GALNT10: variants seen among roughly 807,000 people sequenced by gnomAD.
GALNT10 encodes polypeptide N-acetylgalactosaminyltransferase 10.
A neutral mutation model predicts 75.0 loss-of-function variants in GALNT10; 41 were observed. The ratio of observed to expected loss-of-function variants is 0.55; its 90% CI spans 0.43 to 0.71. The LOEUF (loss-of-function observed/expected upper bound fraction) is 0.71. Among genes scored for constraint, GALNT10 ranks in the 30% least tolerant of loss-of-function variants. The pLI is 0.00. For synonymous variants in GALNT10, 302 were observed against 313.0 expected, an observed-to-expected ratio of 0.96 and a Z score of 0.37; for missense variants, 727 against 818.5, an observed-to-expected ratio of 0.89 and a Z score of 1.36.
At chr5:154,301,822 G>A (rs1322606164) in intron 3 of GALNT10, among the ~76,000 whole-genome samples, 1 of 152,164 alleles carries the variant, frequency 6.6e-6, no homozygotes, top group Non-Finnish European at 1.5e-5. Context: ...ATGGACCTCT[G>A]GCATCAATAA....
Position 154,190,879 on chromosome 5 carries a change from G to T in GALNT10, c.13G>T (p.Glu5Ter), listed in dbSNP as rs1296682318. The T allele has an allele frequency of 7.0e-7, 1 of 1,431,354 alleles. No homozygotes were observed. The highest frequency in any genetic ancestry group is 2.3e-5 in the Admixed American group (1 of 44,210). The allele number at this position is 1,431,354 out of a possible 1,614,324, so 88.7% of individuals were successfully genotyped here. The change falls in exon 1 of 12, where the codon GAG becomes TAG. Residue 5 changes from glutamate (E) to a stop codon, truncating the protein, a stop_gained. Coordinates refer to ENST00000297107, the MANE Select transcript of GALNT10 (RefSeq NM_198321.4). LOFTEE classifies it high-confidence loss of function. The part of the protein sequence containing the change: MRRK[E>*]KRLLQAVALV... ...CTGACCGGCCCCGATGAGGCGGAAG[G>T]AGAAGCGGCTCCTGCAGGCGGTGGC...
At chr5:154,384,760 GGGGTGTGAACTGT>G (rs1486313767) in intron 6 of GALNT10, among the ~76,000 whole-genome samples, 1 of 152,192 alleles carries the variant, frequency 6.6e-6, no homozygotes, top group Admixed American at 6.5e-5. Context: ...GTGGTGGCGA[GGGGTGTGAACTGT>G]GGCTTAGATT....
At chr5:154,294,608 G>C (rs1055832273) in intron 1 of GALNT10, among the ~76,000 whole-genome samples, 2 of 152,146 alleles carry the variant, frequency 1.3e-5, no homozygotes, top group African/African-American at 4.8e-5. Context: ...CTGAAAGGTA[G>C]ACGCTGCATT....
chr5:154,197,566 G>A (rs1447046496), intron 1 of GALNT10, among the ~76,000 whole-genome samples: 1 of 151,684 alleles, frequency 6.6e-6, no homozygotes. Flanking sequence ...AAAGAAAAAA[G>A]CAGGCCTATT....
intron 2 of GALNT10, among the ~76,000 whole-genome samples, chr5:154,297,660 T>G (rs755109861): frequency 6.6e-6 from 1 of 152,196 alleles, no homozygotes; most frequent in African/African-American, 2.4e-5. Flanking sequence ...TACTCCTGAT[T>G]TGATAACCTT....
chr5:154,345,583 T>C (rs1305556140), intron 4 of GALNT10, among the ~76,000 whole-genome samples: 4 of 151,822 alleles, frequency 2.6e-5, no homozygotes, highest in Non-Finnish European at 4.4e-5. Context: ...CTTAGCATAA[T>C]GTCCTCCAAG....
rs573637893 is a variant in GALNT10 at position 154,269,456 on chromosome 5, A to G, written c.160-25360A>G. Among the ~76,000 whole-genome samples, 3 of 152,346 alleles carry G rather than the reference A, an allele frequency of 2.0e-5. No individual in the cohort carries two copies. The South Asian group carries it at 6.2e-4, about 32-fold the overall frequency. ...ATAATATACTAGAACCACTTGGTCT[A>G]TTATGATGTGCTTCCTCCTTCATGT... is the stretch of plus-strand genomic sequence containing the variant. On this transcript the variant is annotated intron_variant, in intron 1 of 11. Coordinates refer to ENST00000297107, the MANE Select transcript of GALNT10 (RefSeq NM_198321.4).
intron 4 of GALNT10, among the ~76,000 whole-genome samples, chr5:154,341,448 A>G (rs111632854): frequency 0.014 from 2,090 of 152,326 alleles, 44 homozygotes; most frequent in African/African-American, 0.046. Context: ...ATAATCTGCA[A>G]TGAAGGTGAA....
chr5:154,221,965 T>C (rs917784850), intron 1 of GALNT10, among the ~76,000 whole-genome samples: 4 of 152,194 alleles, frequency 2.6e-5, no homozygotes, highest in African/African-American at 9.7e-5. Flanking sequence ...TGAAGCTTAG[T>C]TGAAGTATAT....
At chr5:154,275,030 G>A (rs1753928098) in intron 1 of GALNT10, among the ~76,000 whole-genome samples, 1 of 152,148 alleles carries the variant, frequency 6.6e-6, no homozygotes, top group Non-Finnish European at 1.5e-5. Flanking sequence ...CTTTCTCCTG[G>A]TTCTGACACT....
chr5:154,404,183 A>G lies in GALNT10; in HGVS notation c.1136A>G (p.Lys379Arg). The G allele has an allele frequency of 6.2e-7, 1 of 1,608,738 alleles. No homozygotes were observed. The highest frequency in any genetic ancestry group is 8.5e-7 in the Non-Finnish European group (1 of 1,176,678). Residue 379 changes from lysine to arginine, a missense_variant, in exon 8 of 12, where the codon AAG (lysine) becomes AGG (arginine). By Grantham distance (26) the Lys-to-Arg change is conservative. Coordinates refer to ENST00000297107, the MANE Select transcript of GALNT10 (RefSeq NM_198321.4). ...GHIYRKYVPY[K>R]VPAGVSLARN... ...ATCTACAGGAAGTATGTGCCCTACA[A>G]GGTCCCGGCCGGAGTCAGCCTGGCC...
At chr5:154,405,621 T>C (rs991329654) in intron 8 of GALNT10, among the ~76,000 whole-genome samples, 11 of 152,104 alleles carry the variant, frequency 7.2e-5, no homozygotes, top group African/African-American at 2.6e-4. Context: ...ACACTCCAAC[T>C]CCAGACCAGG....
chr5:154,345,383 C>T (rs1561667167), intron 4 of GALNT10, among the ~76,000 whole-genome samples: 2 of 152,130 alleles, frequency 1.3e-5, no homozygotes, highest in Non-Finnish European at 2.9e-5. Context: ...CCATGCTGCA[C>T]ATTAGGTCTC....
intron 4 of GALNT10, chr5:154,337,498 T>A (rs1432170944): frequency 2.7e-6 from 2 of 730,508 alleles, no homozygotes; most frequent in Non-Finnish European, 5.0e-6. Flanking sequence ...TGGCTACTGC[T>A]GGTACTAGAA....
At chr5:154,333,975 T>C (rs1754904190) in intron 4 of GALNT10, among the ~76,000 whole-genome samples, 1 of 152,208 alleles carries the variant, frequency 6.6e-6, no homozygotes, top group South Asian at 2.1e-4. Context: ...GGAGAAACAA[T>C]TTCAGAATTA....
chr5:154,382,193 G>A (rs1233352185), intron 6 of GALNT10, among the ~76,000 whole-genome samples: 1 of 152,218 alleles, frequency 6.6e-6, no homozygotes, highest in Non-Finnish European at 1.5e-5. Context: ...ATGAGCCCCA[G>A]GGCAGGCTCA....
chr5:154,353,097 A>T (rs1755234328), intron 4 of GALNT10, among the ~76,000 whole-genome samples: 1 of 152,098 alleles, frequency 6.6e-6, no homozygotes, highest in African/African-American at 2.4e-5. Context: ...TACTCAGCAG[A>T]TGTTCCTCCA....
intron 1 of GALNT10, among the ~76,000 whole-genome samples, chr5:154,198,657 C>A (rs947656257): frequency 1.3e-5 from 2 of 152,168 alleles, no homozygotes; most frequent in African/African-American, 2.4e-5. Context: ...GTTGGGGATG[C>A]CTTCTCAACT....
chr5:154,393,365 C>T (rs143983946), intron 7 of GALNT10, among the ~76,000 whole-genome samples: 43 of 152,270 alleles, frequency 2.8e-4, no homozygotes, highest in Admixed American at 1.6e-3. Flanking sequence ...TGAGCCACCG[C>T]GCCCAGCCCA....
Sources: gnomAD v4.1 joint callset for allele counts (sites outside exome capture counted in the v4.1 genomes callset) on GRCh38, gnomAD v4.1.1 for gene constraint, MANE v1.5 for transcripts, NCBI Gene and HGNC (gene_info 2026-07-23, HGNC 2026-07-21) for gene names.